The following PMFBP1 variants were observed in gnomAD, a reference collection of about 807,000 sequenced individuals.
PMFBP1 encodes polyamine modulated factor 1 binding protein 1.
A neutral mutation model predicts 137.8 loss-of-function variants in PMFBP1; 131 were observed. The ratio of observed to expected loss-of-function variants is 0.95; its 90% CI spans 0.82 to 1.10. PMFBP1 has a LOEUF of 1.10. Among genes scored for constraint, PMFBP1 ranks in the 50% least tolerant of loss-of-function variants. The pLI, the probability that PMFBP1 is intolerant of heterozygous loss-of-function variation, is 0.00. For synonymous variants in PMFBP1, 490 were observed against 450.4 expected (o/e 1.09, Z -1.11); for missense variants, 1,199 against 1,175.4 (o/e 1.02, Z -0.29).
chr16:72,190,298 C>T, the PMFBP1 span, among the ~76,000 whole-genome samples: 91 of 152,310 alleles, frequency 6.0e-4, 1 homozygote, highest in East Asian at 0.013. Flanking sequence ...GAACGAAATT[C>T]CTCCCATGGT....
At chr16:72,183,341 G>C in the PMFBP1 span, among the ~76,000 whole-genome samples, 1 of 152,208 alleles carries the variant, frequency 6.6e-6, no homozygotes, top group African/African-American at 2.4e-5. Flanking sequence ...GGGAGTCCAA[G>C]ATCAAGGTGT....
chr16:72,157,577 T>C (rs1475593218), intron 3 of PMFBP1, among the ~76,000 whole-genome samples: 1 of 151,972 alleles, frequency 6.6e-6, no homozygotes, highest in Non-Finnish European at 1.5e-5. Context: ...CTGTGCCTGA[T>C]GGAGTGAGAT....
chr16:72,193,998 TA>T, the PMFBP1 span, among the ~76,000 whole-genome samples: 4 of 151,234 alleles, frequency 2.6e-5, no homozygotes, highest in African/African-American at 7.3e-5. Flanking sequence ...TTTTTTTTTT[TA>T]ATTTGGTAAA....
chr16:72,124,803 G>T lies in PMFBP1; in HGVS notation c.2553C>A (p.Ala851=). Residue 851 remains alanine, a synonymous_variant, in exon 17 of 21, where the codon GCC becomes GCA. Coordinates refer to ENST00000237353, the MANE Select transcript of PMFBP1 (RefSeq NM_031293.3). ...CCTCAAGGAGGTTCTCTTTTAAGGC[G>T]GCCATCTCCTCCTGGAACTCCCTGA... ...EQLREFQEEM[A]ALKENLLEDD... 1.2e-6 allele frequency: 2 copies of T among 1,614,088 alleles called. No individual in the cohort carries two copies. Among genetic ancestry groups the T allele is most frequent in the Non-Finnish European group, 1.7e-6 (2 of 1,179,996 alleles).
intron 19 of PMFBP1, among the ~76,000 whole-genome samples, chr16:72,121,804 A>AT (rs1385585070): frequency 2.0e-5 from 3 of 152,010 alleles, no homozygotes; most frequent in Non-Finnish European, 4.4e-5. Context: ...TCATTTTTAA[A>AT]TTTTTTATAC....
Position 72,166,416 on chromosome 16 carries a change from T to TG in PMFBP1, c.13-1501dup, listed in dbSNP as rs564154350. ...AGGCCTCCCCAGCTATGTGGAACTG[T>TG]GAGTCAGTTAAACCTCTTTTCCTGA... On this transcript the variant is annotated intron_variant, in intron 2 of 20. Transcript: ENST00000237353. Among the ~76,000 whole-genome samples the TG allele has an allele frequency of 8.5e-5, 13 of 152,320 alleles. 1 individual carries two copies. In the East Asian group the frequency reaches 2.5e-3, roughly 29 times the overall value.
intron 3 of PMFBP1, among the ~76,000 whole-genome samples, chr16:72,161,548 C>T (rs1223506469): frequency 6.6e-6 from 1 of 151,946 alleles, no homozygotes; most frequent in African/African-American, 2.4e-5. Flanking sequence ...CTTCTGCTTG[C>T]CTGACATTCA....
chr16:72,200,246 G>T, the PMFBP1 span, among the ~76,000 whole-genome samples: 1 of 152,248 alleles, frequency 6.6e-6, no homozygotes, highest in Non-Finnish European at 1.5e-5. Flanking sequence ...AGCTCCCTCT[G>T]GCTAGGATGG....
chr16:72,133,862 G>A (rs565643401), intron 9 of PMFBP1, among the ~76,000 whole-genome samples: 8 of 152,224 alleles, frequency 5.3e-5, no homozygotes, highest in Admixed American at 5.2e-4. Flanking sequence ...AGTAATGCAG[G>A]ACCCCGGAAG....
the PMFBP1 span, among the ~76,000 whole-genome samples, chr16:72,208,885 TC>T: frequency 6.6e-6 from 1 of 152,252 alleles, no homozygotes; most frequent in Non-Finnish European, 1.5e-5. Flanking sequence ...CAGTGACATG[TC>T]CTTGCATTGG....
chr16:72,139,070 G>C (rs1356196994), intron 7 of PMFBP1, among the ~76,000 whole-genome samples: 1 of 152,194 alleles, frequency 6.6e-6, no homozygotes, highest in East Asian at 1.9e-4. Flanking sequence ...TGTTAGAAGT[G>C]GGTTAAGAGA....
At chr16:72,170,524 G>T (rs1231106950) in intron 2 of PMFBP1, among the ~76,000 whole-genome samples, 1 of 152,128 alleles carries the variant, frequency 6.6e-6, no homozygotes, top group Non-Finnish European at 1.5e-5. Context: ...CAACCTCCCA[G>T]GCTCAAGTGA....
intron 3 of PMFBP1, among the ~76,000 whole-genome samples, chr16:72,159,534 C>G (rs2043030498): frequency 6.6e-6 from 1 of 152,196 alleles, no homozygotes; most frequent in Admixed American, 6.5e-5. Context: ...CTGCTTCTAT[C>G]TGCAGAGAAA....
the PMFBP1 span, among the ~76,000 whole-genome samples, chr16:72,183,553 A>G: frequency 7.2e-5 from 11 of 152,132 alleles, no homozygotes; most frequent in Non-Finnish European, 1.3e-4. Context: ...CACCAGTCAT[A>G]TTGGATTAGG....
chr16:72,157,093 G>A (rs1408289545), intron 3 of PMFBP1, among the ~76,000 whole-genome samples: 1 of 149,468 alleles, frequency 6.7e-6, no homozygotes, highest in Non-Finnish European at 1.5e-5. Context: ...GGAGGTTGAG[G>A]CAGGAAAATG....
the PMFBP1 span, among the ~76,000 whole-genome samples, chr16:72,245,542 G>A: frequency 3.3e-5 from 5 of 152,164 alleles, no homozygotes; most frequent in South Asian, 2.1e-4. Context: ...GCCTGAATTC[G>A]TGCTGCATAT....
the PMFBP1 span, among the ~76,000 whole-genome samples, chr16:72,193,771 C>T: frequency 4.6e-5 from 7 of 151,548 alleles, no homozygotes; most frequent in Admixed American, 6.6e-5. Flanking sequence ...CAAATGCATT[C>T]TATTGAACAA....
At chr16:72,140,907 T>G (rs1351097949) in intron 5 of PMFBP1, among the ~76,000 whole-genome samples, 2 of 151,424 alleles carry the variant, frequency 1.3e-5, no homozygotes, top group Non-Finnish European at 2.9e-5. Context: ...AAAAATCACT[T>G]TTTTTCTTAC....
At chr16:72,192,141 C>G in the PMFBP1 span, among the ~76,000 whole-genome samples, 2 of 151,996 alleles carry the variant, frequency 1.3e-5, no homozygotes, top group African/African-American at 4.8e-5. Context: ...TTAAAAAATA[C>G]TTTTATCACA....
Sources: gnomAD v4.1 joint callset for allele counts (sites outside exome capture counted in the v4.1 genomes callset) on GRCh38, gnomAD v4.1.1 for gene constraint, MANE v1.5 for transcripts, NCBI Gene and HGNC (gene_info 2026-07-23, HGNC 2026-07-21) for gene names.